The following SUMF1 variants were observed in gnomAD, a reference collection of about 807,000 sequenced individuals.
The protein encoded by SUMF1 is formylglycine-generating enzyme.
In SUMF1, 48 loss-of-function variants were observed where a neutral mutation model predicts 47.6. The ratio of observed to expected loss-of-function variants is 1.01; its 90% CI spans 0.80 to 1.28. SUMF1 has a LOEUF of 1.28. Ranked by LOEUF, SUMF1 falls within the 50% of genes most tolerant of loss-of-function variation. The pLI, the probability that SUMF1 is intolerant of heterozygous loss-of-function variation, is 0.00. For synonymous variants in SUMF1, 230 were observed against 192.1 expected, an observed-to-expected ratio of 1.20 and a Z score of -1.63; for missense variants, 571 against 485.4, an observed-to-expected ratio of 1.18 and a Z score of -1.66.
chr3:4,145,130 T>C (rs1195212291), intron 8 of SUMF1, among the ~76,000 whole-genome samples: 3 of 149,712 alleles, frequency 2.0e-5, no homozygotes, highest in African/African-American at 7.4e-5. Flanking sequence ...GAGGCGGAGC[T>C]TGCAGTGAGC....
chr3:4,267,163 C>G (rs1288123274), intron 8 of SUMF1, among the ~76,000 whole-genome samples: 1 of 152,042 alleles, frequency 6.6e-6, no homozygotes, highest in Non-Finnish European at 1.5e-5. Flanking sequence ...CAATGTTCAT[C>G]AAGGATATTG....
intron 8 of SUMF1, among the ~76,000 whole-genome samples, chr3:4,165,614 C>G (rs1456717745): frequency 6.6e-6 from 1 of 152,058 alleles, no homozygotes; most frequent in African/African-American, 2.4e-5. Flanking sequence ...TGCCTTCCCT[C>G]TTACAGAAAA....
chr3:4,112,618 C>T (rs1693333373), intron 8 of SUMF1, among the ~76,000 whole-genome samples: 1 of 152,082 alleles, frequency 6.6e-6, no homozygotes, highest in African/African-American at 2.4e-5. Context: ...CATGAAGCCA[C>T]TTTAGCTAGT....
chr3:4,067,205 G>T (rs1006664582), intron 9 of SUMF1, among the ~76,000 whole-genome samples: 2 of 152,138 alleles, frequency 1.3e-5, no homozygotes, highest in Non-Finnish European at 2.9e-5. Context: ...ACATTAAGCA[G>T]AAGTACTTCC....
chr3:4,309,583 G>T (rs1314727718), intron 8 of SUMF1, among the ~76,000 whole-genome samples: 1 of 152,192 alleles, frequency 6.6e-6, no homozygotes, highest in African/African-American at 2.4e-5. Context: ...TCTGGACCCA[G>T]TAATTCTAAA....
intron 8 of SUMF1, among the ~76,000 whole-genome samples, chr3:4,315,296 C>T (rs1698591621): frequency 6.6e-6 from 1 of 152,210 alleles, no homozygotes; most frequent in Non-Finnish European, 1.5e-5. Flanking sequence ...TGAGCTGCTT[C>T]AGACGCAATA....
intron 8 of SUMF1, among the ~76,000 whole-genome samples, chr3:4,261,975 A>T (rs747723414): frequency 6.6e-6 from 1 of 152,206 alleles, no homozygotes; most frequent in Non-Finnish European, 1.5e-5. Context: ...AAATATTCTG[A>T]ATGAGAATAA....
chr3:4,453,357 C>G (rs1427206345), intron 1 of SUMF1, among the ~76,000 whole-genome samples: 2 of 151,966 alleles, frequency 1.3e-5, no homozygotes, highest in Admixed American at 6.6e-5. Flanking sequence ...GCAGAGGTAG[C>G]GAGAATATCC....
At chr3:4,422,565 G>T (rs1701934666) in intron 3 of SUMF1, among the ~76,000 whole-genome samples, 1 of 151,230 alleles carries the variant, frequency 6.6e-6, no homozygotes, top group Non-Finnish European at 1.5e-5. Context: ...CCAGTTTGGG[G>T]CTATTATGAA....
chr3:4,262,478 C>T (rs1159697519), intron 8 of SUMF1, among the ~76,000 whole-genome samples: 1 of 152,070 alleles, frequency 6.6e-6, no homozygotes, highest in Non-Finnish European at 1.5e-5. Flanking sequence ...CCAAAAAATC[C>T]ATGACTAAGG....
intron 8 of SUMF1, among the ~76,000 whole-genome samples, chr3:4,230,656 C>A (rs971658690): frequency 6.6e-6 from 1 of 152,040 alleles, no homozygotes. Context: ...TAAATCATTG[C>A]CCGCTGGTGA....
At chr3:4,172,956 C>G (rs889861154) in intron 8 of SUMF1, among the ~76,000 whole-genome samples, 7 of 152,052 alleles carry the variant, frequency 4.6e-5, no homozygotes, top group Admixed American at 4.6e-4. Flanking sequence ...GGTATTGCCT[C>G]GGTTTTCTTC....
intron 8 of SUMF1, among the ~76,000 whole-genome samples, chr3:4,279,078 A>T (rs1202898648): frequency 6.6e-5 from 10 of 152,166 alleles, no homozygotes; most frequent in Admixed American, 6.5e-4. Flanking sequence ...TTTAAACAAA[A>T]CAAAACTTGA....
intron 8 of SUMF1, among the ~76,000 whole-genome samples, chr3:4,308,688 A>T (rs1698287213): frequency 6.6e-6 from 1 of 152,208 alleles, no homozygotes; most frequent in South Asian, 2.1e-4. Flanking sequence ...CATGTTCTGC[A>T]CTAGGAAGCT....
At chr3:4,115,924 G>C (rs1430509818) in intron 8 of SUMF1, among the ~76,000 whole-genome samples, 2 of 152,100 alleles carry the variant, frequency 1.3e-5, no homozygotes, top group African/African-American at 4.8e-5. Context: ...AGTGAAAACA[G>C]TTCTGGTGTT....
chr3:4,377,427 G>A (rs949730126), intron 7 of SUMF1, among the ~76,000 whole-genome samples: 1 of 152,166 alleles, frequency 6.6e-6, no homozygotes, highest in Non-Finnish European at 1.5e-5. Context: ...CAACCTTGGA[G>A]GTAGGTTAAG....
chr3:4,083,605 C>T (rs1462207340), intron 8 of SUMF1, among the ~76,000 whole-genome samples: 3 of 152,128 alleles, frequency 2.0e-5, no homozygotes, highest in African/African-American at 2.4e-5. Flanking sequence ...AAGGAAAGCA[C>T]ATTCCATCCA....
chr3:4,075,505 G>T (rs572620224), intron 8 of SUMF1, among the ~76,000 whole-genome samples: 4 of 151,530 alleles, frequency 2.6e-5, no homozygotes, highest in African/African-American at 7.3e-5. Context: ...TTAGGCAAGA[G>T]AAAGAAAAAA....
chr3:4,367,599 C>T (rs1401011120), intron 8 of SUMF1, among the ~76,000 whole-genome samples: 1 of 152,010 alleles, frequency 6.6e-6, no homozygotes, highest in Non-Finnish European at 1.5e-5. Context: ...TACAAGGCTA[C>T]AGTAACCAAA....
Sources: allele counts gnomAD v4.1 joint callset (sites outside exome capture counted in the v4.1 genomes callset), GRCh38; gene constraint gnomAD v4.1.1; transcripts MANE v1.5; gene names NCBI Gene and HGNC (gene_info 2026-07-23, HGNC 2026-07-21).